Variants in SLC44A5 observed in about 807,000 individuals in gnomAD.
SLC44A5 encodes the protein solute carrier family 44 member 5, also known as choline transporter-like protein 5.
SLC44A5 carries 57 observed loss-of-function variants against 101.8 expected under a neutral mutation model. The ratio of observed to expected loss-of-function variants is 0.56; its 90% CI spans 0.45 to 0.70. The LOEUF is 0.70. Among genes scored for constraint, SLC44A5 ranks in the 30% least tolerant of loss-of-function variants. The probability of loss-of-function intolerance (pLI) is 0.00; values close to 1 mark genes in which losing one functional copy is unlikely to be tolerated. For missense variants in SLC44A5, 737 were observed against 853.1 expected (o/e 0.86, Z 1.70); for synonymous variants, 281 against 290.9 (o/e 0.97, Z 0.35).
At chr1:75,318,599 G>A (rs1655898089) in intron 4 of SLC44A5, among the ~76,000 whole-genome samples, 1 of 152,154 alleles carries the variant, frequency 6.6e-6, no homozygotes, top group South Asian at 2.1e-4. Context: ...GGAACTTGAG[G>A]ATTCATGTCC....
At position 75,322,289 on chromosome 1, in the gene SLC44A5, G is replaced by A. The variant is rs1177663495; in HGVS notation, c.101+17293C>T. Among the ~76,000 whole-genome samples, 3 of 151,996 alleles carry A rather than the reference G, an allele frequency of 2.0e-5. No individual in the cohort carries two copies. In the South Asian group the frequency reaches 6.2e-4, roughly 32 times the overall value. ...ATTGTGCCCCTGTACTGCAGTCTGGGCAACAGAGCGAGACTCCATCTCAAA... is the reference window on the plus strand; with the variant it reads ...ATTGTGCCCCTGTACTGCAGTCTGGACAACAGAGCGAGACTCCATCTCAAA... On this transcript the variant is annotated intron_variant, in intron 4 of 23. Transcript: ENST00000370859.
chr1:75,271,497 T>TTTTTTTTGTGTG lies in SLC44A5; in HGVS notation c.260+3460_260+3461insCACACAAAAAAA, dbSNP rs1553152601. Among the ~76,000 whole-genome samples the TTTTTTTTGTGTG allele has an allele frequency of 6.8e-4, 100 of 146,400 alleles. No individual in the cohort carries two copies. The Middle Eastern group carries it at 0.011, about 15-fold the overall frequency. On this transcript the variant is annotated intron_variant, in intron 6 of 23. Coordinates refer to ENST00000370859, the MANE Select transcript of SLC44A5 (RefSeq NM_001130058.2). ...AGTCCATTATATCACTCTGCATGTT[T>TTTTTTTTGTGTG]TGTGTGTGTGTGTGTGTGTGTGTGT...
At chr1:75,285,764 G>C (rs1448895154) in intron 5 of SLC44A5, among the ~76,000 whole-genome samples, 1 of 151,936 alleles carries the variant, frequency 6.6e-6, no homozygotes, top group East Asian at 1.9e-4. Flanking sequence ...TAATTTCCAT[G>C]TATTTGCATG....
intron 1 of SLC44A5, among the ~76,000 whole-genome samples, chr1:75,549,141 A>T (rs202027377): frequency 0.045 from 2,596 of 58,144 alleles, 34 homozygotes; most frequent in Non-Finnish European, 0.078. Flanking sequence ...TTTTATTTCC[A>T]GAGGTTTTGC....
chr1:75,357,933 A>G (rs1442150299), intron 3 of SLC44A5, among the ~76,000 whole-genome samples: 2 of 152,268 alleles, frequency 1.3e-5, no homozygotes, highest in Non-Finnish European at 2.9e-5. Flanking sequence ...TTAGAAAACA[A>G]CTTGCCTTTA....
the SLC44A5 span, among the ~76,000 whole-genome samples, chr1:75,702,461 G>C: frequency 6.6e-6 from 1 of 152,070 alleles, no homozygotes; most frequent in Non-Finnish European, 1.5e-5. Flanking sequence ...GCCATATGTA[G>C]AAAGCTGAAA....
chr1:75,644,113 C>T, the SLC44A5 span, among the ~76,000 whole-genome samples: 2 of 151,982 alleles, frequency 1.3e-5, no homozygotes, highest in Non-Finnish European at 2.9e-5. Context: ...ATATTCATTA[C>T]AAAGCAATAA....
chr1:75,635,729 T>C, the SLC44A5 span, among the ~76,000 whole-genome samples: 1 of 150,854 alleles, frequency 6.6e-6, no homozygotes, highest in Admixed American at 6.6e-5. Flanking sequence ...AATGGGTGCA[T>C]CACACCAGCA....
intron 3 of SLC44A5, among the ~76,000 whole-genome samples, chr1:75,383,646 A>G (rs1482141842): frequency 2.6e-5 from 4 of 152,236 alleles, no homozygotes; most frequent in East Asian, 3.9e-4. Context: ...GATATTATCC[A>G]GGAGAACTTC....
chr1:75,474,683 C>T (rs1667288765), intron 2 of SLC44A5, among the ~76,000 whole-genome samples: 1 of 152,094 alleles, frequency 6.6e-6, no homozygotes, highest in African/African-American at 2.4e-5. Context: ...AACACATTTT[C>T]AAAATGACAA....
upstream of SLC44A5, among the ~76,000 whole-genome samples, chr1:75,612,651 C>G (rs1675705681): frequency 1.3e-5 from 2 of 152,300 alleles, no homozygotes; most frequent in South Asian, 4.1e-4. Flanking sequence ...ACTTCATTGT[C>G]TATCATGTTC....
the SLC44A5 span, among the ~76,000 whole-genome samples, chr1:75,662,508 T>A: frequency 6.6e-6 from 1 of 152,088 alleles, no homozygotes; most frequent in South Asian, 2.1e-4. Flanking sequence ...GAAGAGAAGA[T>A]ATGGAATGCT....
chr1:75,701,785 A>C, the SLC44A5 span, among the ~76,000 whole-genome samples: 1 of 152,242 alleles, frequency 6.6e-6, no homozygotes, highest in African/African-American at 2.4e-5. Context: ...AATCTCCTTA[A>C]GCTAATAAGC....
chr1:75,638,096 T>C, the SLC44A5 span, among the ~76,000 whole-genome samples: 1 of 152,062 alleles, frequency 6.6e-6, no homozygotes, highest in Non-Finnish European at 1.5e-5. Context: ...ATGGCAATTG[T>C]TGTATTAACT....
intron 2 of SLC44A5, among the ~76,000 whole-genome samples, chr1:75,516,642 C>G (rs535860459): frequency 6.6e-6 from 1 of 152,188 alleles, no homozygotes; most frequent in South Asian, 2.1e-4. Context: ...GAGAATGAAT[C>G]TAAGTTCTAT....
At chr1:75,317,199 G>A (rs755903239) in intron 4 of SLC44A5, among the ~76,000 whole-genome samples, 4 of 152,200 alleles carry the variant, frequency 2.6e-5, no homozygotes, top group Admixed American at 6.5e-5. Flanking sequence ...AACATGGACT[G>A]ATCTAGGTGC....
the SLC44A5 span, among the ~76,000 whole-genome samples, chr1:75,654,127 CTTAA>C: frequency 3.9e-5 from 6 of 152,172 alleles, no homozygotes; most frequent in Admixed American, 3.9e-4. Context: ...TGATTTGACC[CTTAA>C]TTGTTACAAT....
the SLC44A5 span, among the ~76,000 whole-genome samples, chr1:75,662,022 G>C: frequency 6.6e-6 from 1 of 151,972 alleles, no homozygotes; most frequent in African/African-American, 2.4e-5. Flanking sequence ...AAGGAAATCA[G>C]TATATTGAAG....
rs143457855 is a variant in SLC44A5, at chr1:75,222,394, C to T, written c.1052G>A (p.Arg351Gln). Reference sequence around the variant, plus strand: ...TTCCTTCAGCAGGATAATGGCGACTCGGATTCGATTCCTGAGGAAGATCAG... The same window carrying T: ...TTCCTTCAGCAGGATAATGGCGACTTGGATTCGATTCCTGAGGAAGATCAG... ...LMLIFLRNRI[R>Q]VAIILLKEGS... Residue 351 changes from arginine to glutamine, a missense_variant, in exon 14 of 24, where the codon CGA becomes CAA. Coordinates refer to ENST00000370859, the MANE Select transcript of SLC44A5 (RefSeq NM_001130058.2). 68 of 1,613,542 alleles carry T rather than the reference C, an allele frequency of 4.2e-5. 1 individual carries two copies. The highest frequency in any genetic ancestry group is 1.2e-4 in the African/African-American group (9 of 74,860).
Sources: gnomAD v4.1 joint callset for allele counts (sites outside exome capture counted in the v4.1 genomes callset) on GRCh38, gnomAD v4.1.1 for gene constraint, MANE v1.5 for transcripts, NCBI Gene and HGNC (gene_info 2026-07-23, HGNC 2026-07-21) for gene names.